The following RASA1 variants were observed in gnomAD, a reference collection of about 807,000 sequenced individuals.
The protein encoded by RASA1 is RAS p21 protein activator 1.
RASA1 carries 25 observed loss-of-function variants against 132.2 expected under a neutral mutation model. The ratio of observed to expected loss-of-function variants is 0.19; its 90% CI spans 0.14 to 0.26. The LOEUF is 0.26. RASA1 is among the 10% of genes least tolerant of loss of function. RASA1 has a pLI of 1.00. For missense variants in RASA1, 964 were observed against 1,299.2 expected (o/e 0.74, Z 3.97); for synonymous variants, 477 against 449.9 (o/e 1.06, Z -0.76).
intron 7 of RASA1, among the ~76,000 whole-genome samples, chr5:87,347,659 T>C (rs1187086416): frequency 6.6e-6 from 1 of 152,006 alleles, no homozygotes; most frequent in Non-Finnish European, 1.5e-5. Context: ...AGATTTGAGA[T>C]AGTTTTTGAA....
intron 1 of RASA1, among the ~76,000 whole-genome samples, chr5:87,278,909 CTTTTTTTTTT>C (rs58122450): frequency 6.0e-5 from 5 of 83,998 alleles, no homozygotes; most frequent in Non-Finnish European, 8.6e-5. Context: ...CTAATTTGTT[CTTTTTTTTTT>C]TTTTTTTTTT....
intron 19 of RASA1, 21 bp from the exon 20 acceptor site, chr5:87,380,483 TTGAGA>T: frequency 1.3e-6 from 2 of 1,573,096 alleles, no homozygotes; most frequent in South Asian, 2.2e-5. Context: ...GCTTTCTGTG[TTGAGA>T]TGATTGTGTT....
In RASA1 at chr5:87,332,567, C is replaced by G. The variant is rs1180493926; in HGVS notation, c.753C>G (p.Asp251Glu). The G allele has an allele frequency of 6.2e-7, 1 of 1,607,354 alleles. No individual in the cohort carries two copies. Among genetic ancestry groups the G allele is most frequent in the African/African-American group, 1.3e-5 (1 of 74,772 alleles). ...IGGRRFSSLS[D>E]LIGYYSHVSC... Reference sequence around the variant, plus strand: ...GAAGACGTTTTTCTTCACTGTCAGACCTAATAGGTTATTACAGTCATGTTT... The same window carrying G: ...GAAGACGTTTTTCTTCACTGTCAGAGCTAATAGGTTATTACAGTCATGTTT... Residue 251 changes from aspartate (D) to glutamate (E), a missense_variant, in exon 3 of 25, where the codon GAC becomes GAG. Physicochemically the swap from Asp to Glu is conservative, Grantham distance 45. Coordinates refer to ENST00000274376, the MANE Select transcript of RASA1 (RefSeq NM_002890.3).
At chr5:87,319,868 C>A (rs1756652980) in intron 1 of RASA1, among the ~76,000 whole-genome samples, 4 of 152,202 alleles carry the variant, frequency 2.6e-5, no homozygotes, top group Admixed American at 2.6e-4. Flanking sequence ...GCAAAATTTC[C>A]AAACTTTTAT....
At chr5:87,327,470 C>T (rs946043031) in intron 1 of RASA1, among the ~76,000 whole-genome samples, 6 of 152,078 alleles carry the variant, frequency 3.9e-5, no homozygotes, top group African/African-American at 1.2e-4. Context: ...AAGACTTGGC[C>T]GTAACTGTGG....
intron 11 of RASA1, among the ~76,000 whole-genome samples, chr5:87,367,580 C>T (rs1760618138): frequency 6.6e-6 from 1 of 152,178 alleles, no homozygotes; most frequent in East Asian, 1.9e-4. Context: ...TCTAAGCACT[C>T]CATTTCCTTG....
In RASA1 at chr5:87,390,859, T is replaced by C. The variant is rs538998012; in HGVS notation, c.3120T>C (p.Tyr1040=). Residue 1040 remains tyrosine (Y), a synonymous_variant, in exon 25 of 25, where the codon TAT becomes TAC. Transcript: ENST00000274376. ...TGCTTCAACAAAAACAAAACCAGTA[T>C]ACAAAAACCAATGATGTCAGGTAGC... ...TELLQQKQNQ[Y]TKTNDVR is the part of the protein sequence containing the mutation. The C allele has an allele frequency of 1.7e-5, 28 of 1,613,052 alleles. No homozygotes were observed. The highest frequency in any genetic ancestry group is 2.2e-5 in the East Asian group (1 of 44,880).
In RASA1 at chr5:87,268,484, C is replaced by A; in HGVS notation, c.33C>A (p.Gly11=). 6.4e-7 allele frequency: 1 copy of A among 1,556,776 alleles called. No individual in the cohort carries two copies. The highest frequency in any genetic ancestry group is 8.7e-7 in the Non-Finnish European group (1 of 1,151,058). Residue 11 remains glycine (G), a synonymous_variant, in exon 1 of 25, where the codon GGC becomes GGA. Coordinates refer to ENST00000274376, the MANE Select transcript of RASA1 (RefSeq NM_002890.3). ...CGGCCGAGGCCGGCAGTGAGGAGGG[C>A]GGCCCGGTAACAGCCGGAGCTGGAG... MMAAEAGSEE[G]GPVTAGAGGG...
intron 1 of RASA1, among the ~76,000 whole-genome samples, chr5:87,274,987 C>T (rs1165078623): frequency 6.6e-6 from 1 of 152,108 alleles, no homozygotes; most frequent in East Asian, 1.9e-4. Flanking sequence ...CAGTTGAATG[C>T]TAGAATCGGT....
intron 1 of RASA1, among the ~76,000 whole-genome samples, chr5:87,324,350 T>A (rs543078979): frequency 6.6e-6 from 1 of 152,296 alleles, no homozygotes; most frequent in South Asian, 2.1e-4. Flanking sequence ...AGGTGTGGTT[T>A]TTTTTCTTCC....
intron 1 of RASA1, among the ~76,000 whole-genome samples, chr5:87,287,059 T>C (rs1408271772): frequency 6.9e-6 from 1 of 145,220 alleles, no homozygotes; most frequent in East Asian, 2.0e-4. Context: ...ATATACCCCA[T>C]GTATATACAC....
chr5:87,326,118 T>A (rs1371046369), intron 1 of RASA1, among the ~76,000 whole-genome samples: 3 of 152,142 alleles, frequency 2.0e-5, no homozygotes. Context: ...ATCATAGGTA[T>A]GTGCCACCAT....
At chr5:87,307,636 T>C (rs1181118635) in intron 1 of RASA1, among the ~76,000 whole-genome samples, 1 of 152,260 alleles carries the variant, frequency 6.6e-6, no homozygotes, top group African/African-American at 2.4e-5. Flanking sequence ...TGTTATAGCC[T>C]TCTGTCTGTA....
In RASA1 at chr5:87,358,101, A is replaced by C. The variant is rs542979063; in HGVS notation, c.1333-4450A>C. ...TAATCGCCAAATTGATTAGTTAGCA[A>C]ATCACCTCATCTTCCAATGAGGTGA... On this transcript the variant is annotated intron_variant, in intron 9 of 24. Transcript: ENST00000274376. Among the ~76,000 whole-genome samples, 7 of 152,280 alleles carry C rather than the reference A, an allele frequency of 4.6e-5. No individual in the cohort carries two copies. The East Asian group carries it at 1.4e-3, about 29-fold the overall frequency.
At chr5:87,326,285 T>TA (rs984582636) in intron 1 of RASA1, among the ~76,000 whole-genome samples, 1 of 152,176 alleles carries the variant, frequency 6.6e-6, no homozygotes, top group African/African-American at 2.4e-5. Context: ...CACACATTTA[T>TA]AAAAAATGTT....
At chr5:87,295,560 G>C (rs1755083737) in intron 1 of RASA1, among the ~76,000 whole-genome samples, 1 of 151,698 alleles carries the variant, frequency 6.6e-6, no homozygotes, top group Admixed American at 6.6e-5. Flanking sequence ...CCAGGCTGGA[G>C]TACAGTGGCG....
At chr5:87,353,350 ATTAT>A (rs1233876165) in intron 9 of RASA1, 115 bp downstream of exon 9, 2 of 843,582 alleles carry the variant, frequency 2.4e-6, no homozygotes, top group African/African-American at 1.7e-5. Flanking sequence ...AAAACTACAG[ATTAT>A]TTAGATTTTT....
chr5:87,349,156 A>T lies in RASA1; in HGVS notation c.1103-58A>T, dbSNP rs545247371. 491 of 1,578,360 alleles carry T rather than the reference A, an allele frequency of 3.1e-4. 3 individuals are homozygous for T. In the South Asian group the frequency reaches 5.1e-3, roughly 16 times the overall value. ...AATGCACTTTGTAATAATACTACTT[A>T]ACATCTTTTCTTTTTTATTTGATAA... On this transcript the variant is annotated intron_variant, in intron 7 of 24. Coordinates refer to ENST00000274376, the MANE Select transcript of RASA1 (RefSeq NM_002890.3).
intron 11 of RASA1, among the ~76,000 whole-genome samples, chr5:87,364,361 T>C (rs1340822699): frequency 6.6e-6 from 1 of 152,170 alleles, no homozygotes; most frequent in Non-Finnish European, 1.5e-5. Flanking sequence ...TTGACAGTTT[T>C]TTAAAATGAT....
Sources: allele counts gnomAD v4.1 joint callset (sites outside exome capture counted in the v4.1 genomes callset), GRCh38; gene constraint gnomAD v4.1.1; transcripts MANE v1.5; gene names NCBI Gene and HGNC (gene_info 2026-07-23, HGNC 2026-07-21).